Variants in ADGRV1 observed in about 807,000 individuals in gnomAD.
ADGRV1 encodes adhesion G protein-coupled receptor V1.
In ADGRV1, 359 loss-of-function variants were observed where a neutral mutation model predicts 596.2. The observed-to-expected ratio is 0.60, with a 90% CI of 0.55 to 0.66. ADGRV1 has a LOEUF of 0.66. ADGRV1 is among the 30% of genes least tolerant of loss of function. The pLI, the probability that ADGRV1 is intolerant of heterozygous loss-of-function variation, is 0.00. For synonymous variants in ADGRV1, 2,681 were observed against 2,679.2 expected (o/e 1.00, Z -0.02); for missense variants, 7,274 against 7,575.6 (o/e 0.96, Z 1.48).
chr5:90,923,351 A>T (rs866807523), intron 83 of ADGRV1, among the ~76,000 whole-genome samples: 9 of 152,104 alleles, frequency 5.9e-5, no homozygotes, highest in Non-Finnish European at 1.2e-4. Flanking sequence ...TGTACTATAA[A>T]ATCCACACAA....
rs398124425 is a variant in ADGRV1 at position 90,811,219 on chromosome 5, A to G, written c.15959A>G (p.Asp5320Gly). 6.2e-7 allele frequency: 1 copy of G among 1,613,200 alleles called. No homozygotes were observed. The highest frequency in any genetic ancestry group is 1.6e-4 in the Middle Eastern group (1 of 6,062). The change falls in exon 74 of 90, where the codon GAT becomes GGT. Residue 5320 changes from aspartate to glycine, a missense_variant. Coordinates refer to ENST00000405460, the MANE Select transcript of ADGRV1 (RefSeq NM_032119.4). ...RKVSVQILDD[D>G]EPEGQEFFYV... ...GTATCAGTTCAAATTTTGGATGATG[A>G]TGAGCCTGAGGGGCAGGAATTCTTC...
intron 50 of ADGRV1, among the ~76,000 whole-genome samples, chr5:90,736,642 C>A (rs985128523): frequency 6.6e-6 from 1 of 151,878 alleles, no homozygotes; most frequent in Non-Finnish European, 1.5e-5. Flanking sequence ...ATTTAATTTC[C>A]TTACTCATTA....
At chr5:91,050,695 C>A (rs1475533196) in intron 85 of ADGRV1, among the ~76,000 whole-genome samples, 1 of 151,838 alleles carries the variant, frequency 6.6e-6, no homozygotes, top group Non-Finnish European at 1.5e-5. Flanking sequence ...CCTGGCTCTA[C>A]AAAATAAATT....
At chr5:91,053,199 C>T (rs1786510068) in intron 85 of ADGRV1, among the ~76,000 whole-genome samples, 1 of 152,136 alleles carries the variant, frequency 6.6e-6, no homozygotes, top group Admixed American at 6.5e-5. Context: ...TATATTACAG[C>T]TCTCTTGGGC....
At chr5:90,574,706 C>T (rs1261830029) in intron 1 of ADGRV1, among the ~76,000 whole-genome samples, 2 of 152,146 alleles carry the variant, frequency 1.3e-5, no homozygotes, top group Non-Finnish European at 2.9e-5. Flanking sequence ...AGCTGTGAAT[C>T]CATCTGGTCC....
At chr5:90,764,748 A>G (rs1258691536) in intron 59 of ADGRV1, among the ~76,000 whole-genome samples, 7 of 152,104 alleles carry the variant, frequency 4.6e-5, no homozygotes, top group Admixed American at 2.6e-4. Flanking sequence ...TTTGCAGGAG[A>G]TCTGGTGGTA....
intron 2 of ADGRV1, among the ~76,000 whole-genome samples, chr5:90,615,839 T>C (rs1428204241): frequency 6.6e-6 from 1 of 151,960 alleles, no homozygotes; most frequent in Non-Finnish European, 1.5e-5. Context: ...CCTAACAATT[T>C]TTTCAGGTTC....
chr5:90,972,228 C>T (rs1369968780), intron 84 of ADGRV1, among the ~76,000 whole-genome samples: 1 of 152,150 alleles, frequency 6.6e-6, no homozygotes, highest in African/African-American at 2.4e-5. Flanking sequence ...TACAAAGAGA[C>T]TTAGACTGCC....
chr5:90,802,053 C>G (rs997456785), intron 70 of ADGRV1, among the ~76,000 whole-genome samples: 1 of 152,028 alleles, frequency 6.6e-6, no homozygotes, highest in African/African-American at 2.4e-5. Flanking sequence ...TGAGTTTTGC[C>G]AAGTTTATAG....
At chr5:90,619,679 C>A (rs1046826970) in intron 4 of ADGRV1, among the ~76,000 whole-genome samples, 8 of 151,802 alleles carry the variant, frequency 5.3e-5, no homozygotes, top group African/African-American at 1.9e-4. Context: ...TATACATATG[C>A]CATGCTGGTG....
chr5:90,762,978 T>A (rs1031717379), intron 58 of ADGRV1: 3 of 180,182 alleles, frequency 1.7e-5, no homozygotes, highest in African/African-American at 7.1e-5. Flanking sequence ...ACCTGCCAAA[T>A]GGAAAAGTAG....
chr5:91,120,790 A>C (rs1793244216), intron 87 of ADGRV1, among the ~76,000 whole-genome samples: 2 of 152,224 alleles, frequency 1.3e-5, no homozygotes, highest in Non-Finnish European at 2.9e-5. Flanking sequence ...ATTCTAAGTC[A>C]GGCCAGAACC....
intron 83 of ADGRV1, among the ~76,000 whole-genome samples, chr5:90,877,746 A>G (rs1480678303): frequency 6.6e-6 from 1 of 151,778 alleles, no homozygotes; most frequent in African/African-American, 2.4e-5. Flanking sequence ...TCTTTTTTTT[A>G]ATGTTATTTC....
At chr5:90,817,186 GT>G (rs1762984899) in intron 75 of ADGRV1, among the ~76,000 whole-genome samples, 2 of 151,360 alleles carry the variant, frequency 1.3e-5, no homozygotes, top group Admixed American at 1.3e-4. Flanking sequence ...TTTTTCATGT[GT>G]TTTTTGGCTG....
In ADGRV1 at chr5:90,622,608, C is replaced by T. The variant is rs897035152; in HGVS notation, c.465C>T (p.Ile155=). The T allele has an allele frequency of 1.9e-5, 28 of 1,450,004 alleles. No individual in the cohort carries two copies. The Admixed American group carries it at 2.2e-4, about 12-fold the overall frequency. 89.8% of individuals were successfully genotyped at this position (1,450,004 alleles called of 1,614,324 possible). ...GCTTTCCTCAATAGCTTCCCTCAAT[C>T]GCAGTGAGTGAGCCCAAGGGCAGAA... The part of the protein sequence containing the change: ...GIISFNMLPS[I]AVSEPKGRNE... The change falls in exon 5 of 90, where the codon ATC becomes ATT. Residue 155 remains isoleucine (I), a synonymous_variant. Transcript: ENST00000405460.
rs1750149932 is a variant in ADGRV1 at position 90,716,692 on chromosome 5, A to C, written c.9410A>C (p.Lys3137Thr). The change falls in exon 43 of 90, where the codon AAA becomes ACA. Residue 3137 changes from lysine to threonine, a missense_variant. Around this residue, in one of 5 missense-constraint regions of ADGRV1, gnomAD observed 3,643 missense variants for 3,809.2 expected, o/e 0.96. Transcript: ENST00000405460. Reference protein sequence around the residue: ...SNESKDLTPSKGYIVLEEGVR... With the variant: ...SNESKDLTPSTGYIVLEEGVR... ...GAATCTAAAGATCTGACTCCTTCCA[A>C]AGGCTATATTGTTTTAGAAGAAGGT... The C allele has an allele frequency of 6.2e-7, 1 of 1,613,188 alleles. No homozygotes were observed. Among genetic ancestry groups the C allele is most frequent in the African/African-American group, 1.3e-5 (1 of 75,032 alleles).
At chr5:90,938,808 A>T (rs1177115632) in intron 83 of ADGRV1, among the ~76,000 whole-genome samples, 1 of 152,184 alleles carries the variant, frequency 6.6e-6, no homozygotes. Context: ...TTTATTTTAC[A>T]AAGTATTGGT....
intron 77 of ADGRV1, 22 bp from the exon 78 acceptor site, chr5:90,840,556 A>C (rs1765336294): frequency 2.6e-6 from 4 of 1,555,124 alleles, no homozygotes. Flanking sequence ...GATTCACTTA[A>C]ATGGTGTTGT....
intron 34 of ADGRV1, among the ~76,000 whole-genome samples, chr5:90,703,441 A>G (rs571782635): frequency 6.6e-6 from 1 of 152,248 alleles, no homozygotes; most frequent in South Asian, 2.1e-4. Flanking sequence ...TAACTTTTAC[A>G]TATTAAATTT....
Sources: allele counts gnomAD v4.1 joint callset (sites outside exome capture counted in the v4.1 genomes callset), GRCh38; gene constraint gnomAD v4.1.1; regional missense constraint gnomAD v4.1.1; transcripts MANE v1.5; gene names NCBI Gene and HGNC (gene_info 2026-07-23, HGNC 2026-07-21).